Variants in ZNF182 observed in about 807,000 individuals in gnomAD.
ZNF182 encodes the protein zinc finger protein 182.
Under a neutral mutation model 28.1 loss-of-function variants are expected in ZNF182, and 10 were observed. The observed-to-expected ratio is 0.36, with a 90% CI of 0.22 to 0.60. The LOEUF is 0.60. ZNF182 is among the 20% of genes least tolerant of loss of function. The pLI is 0.75. For missense variants in ZNF182, 352 were observed against 453.2 expected (o/e 0.78, Z 2.03); for synonymous variants, 156 against 158.7 (o/e 0.98, Z 0.13).
At chrX:47,995,028 CTTTTA>C (rs370479229) in intron 3 of ZNF182, among the ~76,000 whole-genome samples, 9 of 109,282 alleles carry the variant, frequency 8.2e-5, no homozygotes, top group African/African-American at 2.7e-4. Context: ...AGTTCCATTT[CTTTTA>C]TAAGACCAGC....
At chrX:47,982,173 C>T (rs1026193327) in intron 5 of ZNF182, among the ~76,000 whole-genome samples, 9 of 111,915 alleles carry the variant, frequency 8.0e-5, no homozygotes, top group Admixed American at 9.5e-5. Flanking sequence ...TGGTACGATG[C>T]GGATGAACCT....
chrX:47,987,024 G>A (rs2058925496), intron 3 of ZNF182, among the ~76,000 whole-genome samples: 2 of 111,749 alleles, frequency 1.8e-5, no homozygotes, highest in African/African-American at 6.5e-5. Context: ...AACCTACTGT[G>A]GGACTTCACC....
At chrX:47,991,148 A>C (rs782391609) in intron 3 of ZNF182, among the ~76,000 whole-genome samples, 165 of 111,783 alleles carry the variant, frequency 1.5e-3, no homozygotes, top group Middle Eastern at 4.6e-3. Flanking sequence ...TAAGGCCATA[A>C]GGGTAGGTTC....
chrX:47,986,052 G>A (rs1325579457), intron 3 of ZNF182, among the ~76,000 whole-genome samples: 2 of 111,850 alleles, frequency 1.8e-5, no homozygotes, highest in Non-Finnish European at 3.8e-5. Context: ...GTATTACCAT[G>A]CCCTGTGATT....
chrX:47,977,569 A>T lies in ZNF182; in HGVS notation c.461T>A (p.Leu154Ter), dbSNP rs1362896959. The T allele has an allele frequency of 8.3e-7, 1 of 1,205,126 alleles. No homozygotes were observed. The highest frequency in any genetic ancestry group is 1.1e-6 in the Non-Finnish European group (1 of 892,767). Residue 154 changes from leucine to a stop codon, truncating the protein, a stop_gained, in exon 6 of 6, where the codon TTA becomes TAA. Transcript: ENST00000376943. LOFTEE classifies it high-confidence loss of function. ...ATTTTCTGCAGAACTTCTACTAAATAAGTCTAAATTATCTACCATATTATT... is the reference window on the plus strand; with the variant it reads ...ATTTTCTGCAGAACTTCTACTAAATTAGTCTAAATTATCTACCATATTATT... Reference protein sequence around the residue: ...FGNNMVDNLDLFSRSSAENKY... With the variant: ...FGNNMVDNLD
chrX:47,987,580 T>C (rs2058927236), intron 3 of ZNF182, among the ~76,000 whole-genome samples: 1 of 112,508 alleles, frequency 8.9e-6, no homozygotes, highest in Admixed American at 9.4e-5. Context: ...GCTCTCACTG[T>C]TAAAGAAGGG....
chrX:47,975,878 C>T lies in ZNF182; in HGVS notation c.*289G>A, dbSNP rs1192718497. On this transcript the variant is annotated 3_prime_UTR_variant, in exon 6 of 6. Coordinates refer to ENST00000376943, the MANE Select transcript of ZNF182 (RefSeq NM_001007088.2). ...GAGTCCTTACCAGTGCTGTCTTGCA[C>T]CTGCAGCCTTGAGCACTCTCACTCT... 2 of 243,509 alleles carry T rather than the reference C, an allele frequency of 8.2e-6. No individual in the cohort carries two copies. The highest frequency in any genetic ancestry group is 7.3e-6 in the Non-Finnish European group (1 of 137,518). 20.1% of individuals were successfully genotyped at this position (243,509 alleles called of 1,213,427 possible).
chrX:47,979,502 A>G (rs1364582253), intron 5 of ZNF182, among the ~76,000 whole-genome samples: 2 of 110,433 alleles, frequency 1.8e-5, no homozygotes, highest in African/African-American at 6.6e-5. Flanking sequence ...GATCTAAACT[A>G]TTTGTATCTT....
chrX:47,983,337 C>A lies in ZNF182; in HGVS notation c.90G>T (p.Arg30Ser). The A allele has an allele frequency of 8.3e-7, 1 of 1,211,343 alleles. No homozygotes were observed. The highest frequency in any genetic ancestry group is 1.1e-6 in the Non-Finnish European group (1 of 895,261). The change falls in exon 4 of 6, where the codon AGG (arginine) becomes AGT (serine). Residue 30 changes from arginine to serine, a missense_variant. Physicochemically the swap from Arg to Ser is moderately radical, Grantham distance 110. Transcript: ENST00000376943. ...CCAGCATCACGTCTCTGTACAGGGT[C>A]CTCTGTGGTGGGTTCAGGTACTGCC... ...EEWQYLNPPQ[R>S]TLYRDVMLET... is the part of the protein sequence containing the mutation.
rs781845169 is a variant in ZNF182 at position 47,995,971 on chromosome X, TTGCCAGCAGACTTGCTCTGAAACAAC to T, written c.15+6598_15+6623del. On this transcript the variant is annotated intron_variant, in intron 3 of 5. Transcript: ENST00000376943. The stretch of plus-strand genomic sequence containing the variant: ...TCAAGGAAGGAAAACCAAGACTATG[TTGCCAGCAGACTTGCTCTGAAACAAC>T]TGCCAAAGGCAGTTCTTCATAACAG... Among the ~76,000 whole-genome samples, 9 of 112,522 alleles carry T rather than the reference TTGCCAGCAGACTTGCTCTGAAACAAC, an allele frequency of 8.0e-5. No individual in the cohort carries two copies. The Admixed American group carries it at 8.4e-4, about 11-fold the overall frequency.
chrX:47,977,712 G>A lies in ZNF182; in HGVS notation c.318C>T (p.Asp106=). The change falls in exon 6 of 6, where the codon GAC becomes GAT. Residue 106 remains aspartate (D), a synonymous_variant. Coordinates refer to ENST00000376943, the MANE Select transcript of ZNF182 (RefSeq NM_001007088.2). The part of the protein sequence containing the change: ...KCLLMQVGFS[D]KKTIITKSAR... ...CACTCTTGGTGATAATTGTTTTCTT[G>A]TCAGAAAATCCAACTTGCATCAGCA... 2.5e-6 allele frequency: 3 copies of A among 1,208,112 alleles called. No individual in the cohort carries two copies. Among genetic ancestry groups the A allele is most frequent in the Non-Finnish European group, 3.4e-6 (3 of 893,586 alleles).
At position 47,977,469 on chromosome X, in the gene ZNF182, A is replaced by G. The variant is rs148762517; in HGVS notation, c.561T>C (p.Tyr187=). 7.9e-5 allele frequency: 96 copies of G among 1,210,515 alleles called. No homozygotes were observed. The African/African-American group carries it at 1.2e-3, about 15-fold the overall frequency. Residue 187 remains tyrosine, a synonymous_variant, in exon 6 of 6, where the codon TAT becomes TAC. Coordinates refer to ENST00000376943, the MANE Select transcript of ZNF182 (RefSeq NM_001007088.2). The part of the protein sequence containing the change: ...YEKTNPGMKP[Y]GYKECGKGLR... ...GACCTTTCCCACACTCTTTATAGCC[A>G]TAGGGCTTCATTCCAGGATTTGTTT...
intron 3 of ZNF182, among the ~76,000 whole-genome samples, chrX:47,984,730 C>T (rs1473882349): frequency 8.9e-6 from 1 of 111,802 alleles, no homozygotes; most frequent in African/African-American, 3.3e-5. Flanking sequence ...TAAAAAGACA[C>T]AGAATGGAAG....
intron 3 of ZNF182, among the ~76,000 whole-genome samples, chrX:47,991,801 C>T (rs2058942670): frequency 9.0e-6 from 1 of 110,917 alleles, no homozygotes; most frequent in Admixed American, 9.5e-5. Flanking sequence ...GAAGGCAACC[C>T]AGGCCTGTGT....
chrX:47,991,019 C>T (rs782216564), intron 3 of ZNF182, among the ~76,000 whole-genome samples: 55 of 111,718 alleles, frequency 4.9e-4, no homozygotes, highest in Non-Finnish European at 6.8e-4. Context: ...ATGGTTTATG[C>T]TTGAATTATA....
chrX:47,988,634 C>G (rs782295432), intron 3 of ZNF182: 1 of 366,046 alleles, frequency 2.7e-6, no homozygotes, highest in Admixed American at 4.4e-5. Context: ...GCCAAATAAA[C>G]CACTTTTCTT....
At chrX:47,992,394 G>A (rs2058944923) in intron 3 of ZNF182, among the ~76,000 whole-genome samples, 1 of 110,394 alleles carries the variant, frequency 9.1e-6, no homozygotes, top group African/African-American at 3.3e-5. Context: ...CCACCTACTG[G>A]TGACCACCTC....
At chrX:47,989,254 C>T (rs2058933035) in intron 3 of ZNF182, among the ~76,000 whole-genome samples, 1 of 110,147 alleles carries the variant, frequency 9.1e-6, no homozygotes, top group Non-Finnish European at 1.9e-5. Context: ...ATAGTGAAAC[C>T]CCATCTCTAC....
chrX:47,981,688 C>A (rs782711528), intron 5 of ZNF182, among the ~76,000 whole-genome samples: 7 of 111,527 alleles, frequency 6.3e-5, no homozygotes, highest in Non-Finnish European at 1.1e-4. Flanking sequence ...ATCACAAGGT[C>A]AGGAGATCGA....
Sources: gnomAD v4.1 joint callset for allele counts (sites outside exome capture counted in the v4.1 genomes callset) on GRCh38, gnomAD v4.1.1 for gene constraint, MANE v1.5 for transcripts, NCBI Gene and HGNC (gene_info 2026-07-23, HGNC 2026-07-21) for gene names.